ARK2N: variants seen among roughly 807,000 people sequenced by gnomAD.
ARK2N encodes the protein arkadia (RNF111) N-terminal like PKA signaling regulator 2N.
At chr18:46,180,538 C>G in the ARK2N span, among the ~76,000 whole-genome samples, 1 of 152,122 alleles carries the variant, frequency 6.6e-6, no homozygotes, top group African/African-American at 2.4e-5. Flanking sequence ...GAAACACTGT[C>G]TCTACTAAAA....
the ARK2N span, chr18:46,240,054 C>T: frequency 6.2e-7 from 1 of 1,614,174 alleles, no homozygotes; most frequent in South Asian, 1.1e-5. Context: ...CCAACTCTGA[C>T]CCAGAAGTGG....
chr18:46,189,274 G>A, the ARK2N span, among the ~76,000 whole-genome samples: 3 of 151,242 alleles, frequency 2.0e-5, no homozygotes, highest in African/African-American at 7.3e-5. Context: ...AACACGTATA[G>A]GGAAAGTATA....
the ARK2N span, among the ~76,000 whole-genome samples, chr18:46,175,730 T>A: frequency 6.6e-6 from 1 of 152,236 alleles, no homozygotes; most frequent in Non-Finnish European, 1.5e-5. Context: ...CTTGACCTCC[T>A]GACCTCGTGA....
the ARK2N span, among the ~76,000 whole-genome samples, chr18:46,212,106 T>C: frequency 6.6e-6 from 1 of 152,208 alleles, no homozygotes; most frequent in Non-Finnish European, 1.5e-5. Context: ...TTTTTTCTCC[T>C]GTATTTAATT....
chr18:46,253,610 G>T, the ARK2N span: 1 of 1,473,652 alleles, frequency 6.8e-7, no homozygotes. Context: ...ACTAAACCTA[G>T]ATGACAAATC....
the ARK2N span, among the ~76,000 whole-genome samples, chr18:46,223,119 C>A: frequency 2.0e-5 from 3 of 152,116 alleles, no homozygotes; most frequent in Admixed American, 6.5e-5. Flanking sequence ...ATAAGTAATG[C>A]GAGAATCTAA....
At chr18:46,242,495 A>C in the ARK2N span, among the ~76,000 whole-genome samples, 12 of 152,216 alleles carry the variant, frequency 7.9e-5, no homozygotes, top group African/African-American at 2.9e-4. Flanking sequence ...AAGAAACTAC[A>C]ACCATTCTTT....
chr18:46,211,485 G>A, the ARK2N span, among the ~76,000 whole-genome samples: 1 of 152,140 alleles, frequency 6.6e-6, no homozygotes, highest in African/African-American at 2.4e-5. Flanking sequence ...GAGTGTGAGA[G>A]TTAAGGAAAT....
chr18:46,191,971 T>C, the ARK2N span, among the ~76,000 whole-genome samples: 19 of 152,352 alleles, frequency 1.2e-4, no homozygotes, highest in Admixed American at 2.6e-4. Flanking sequence ...GTTTCTTTTG[T>C]GGCTTGGTAG....
At chr18:46,235,945 A>G in the ARK2N span, among the ~76,000 whole-genome samples, 1 of 152,224 alleles carries the variant, frequency 6.6e-6, no homozygotes, top group African/African-American at 2.4e-5. Flanking sequence ...ATTTGATGGC[A>G]ACAACGAAGA....
At chr18:46,201,109 G>T in the ARK2N span, among the ~76,000 whole-genome samples, 1 of 151,120 alleles carries the variant, frequency 6.6e-6, no homozygotes, top group South Asian at 2.1e-4. Context: ...CTCCCGAATA[G>T]CTGGGACCAC....
At chr18:46,247,113 G>A in the ARK2N span, among the ~76,000 whole-genome samples, 4 of 151,864 alleles carry the variant, frequency 2.6e-5, no homozygotes, top group Non-Finnish European at 5.9e-5. Flanking sequence ...AATATTACTA[G>A]TTTCTAGATC....
At chr18:46,234,841 T>G in the ARK2N span, among the ~76,000 whole-genome samples, 1 of 152,194 alleles carries the variant, frequency 6.6e-6, no homozygotes, top group African/African-American at 2.4e-5. Flanking sequence ...CAAGACAGAT[T>G]TTTTTTCTTC....
At chr18:46,231,566 CTTTTT>C in the ARK2N span, among the ~76,000 whole-genome samples, 1,027 of 100,766 alleles carry the variant, frequency 0.01, 14 homozygotes, top group African/African-American at 0.033. Context: ...AGGTTTGGGG[CTTTTT>C]TTTTTTTTTT....
chr18:46,238,544 A>G, the ARK2N span, among the ~76,000 whole-genome samples: 1 of 152,194 alleles, frequency 6.6e-6, no homozygotes, highest in Non-Finnish European at 1.5e-5. Context: ...GTTGAATTTT[A>G]TGGTCATTGA....
At chr18:46,198,663 A>C in the ARK2N span, among the ~76,000 whole-genome samples, 2 of 151,718 alleles carry the variant, frequency 1.3e-5, no homozygotes, top group Admixed American at 1.3e-4. Context: ...GCAGTGGTGC[A>C]TCTCGGCTCA....
At chr18:46,257,666 AT>A in the ARK2N span, among the ~76,000 whole-genome samples, 1,110 of 149,328 alleles carry the variant, frequency 7.4e-3, 18 homozygotes, top group African/African-American at 0.025. Context: ...CAGGCCAATA[AT>A]TTTTTTTTTT....
the ARK2N span, among the ~76,000 whole-genome samples, chr18:46,226,616 T>C: frequency 6.6e-6 from 1 of 152,178 alleles, no homozygotes; most frequent in Non-Finnish European, 1.5e-5. Context: ...TACCACAGGA[T>C]TGAAGGTCTT....
At chr18:46,260,036 GA>G in the ARK2N span, among the ~76,000 whole-genome samples, 5 of 151,532 alleles carry the variant, frequency 3.3e-5, no homozygotes, top group Non-Finnish European at 7.4e-5. Context: ...GACTTTTATT[GA>G]TAGTTTTGCC....
Sources: allele counts gnomAD v4.1 joint callset (sites outside exome capture counted in the v4.1 genomes callset), GRCh38; gene constraint gnomAD v4.1.1; transcripts MANE v1.5; gene names NCBI Gene and HGNC (gene_info 2026-07-23, HGNC 2026-07-21).